AMBN: variants seen among roughly 807,000 people sequenced by gnomAD.
AMBN encodes the protein enamel matrix protein.
In AMBN, 54 loss-of-function variants were observed where a neutral mutation model predicts 48.0. That is an observed-to-expected ratio of 1.12 (90% confidence interval 0.90 to 1.41). The LOEUF is 1.41. AMBN is among the 40% of genes most tolerant of loss of function. The probability of loss-of-function intolerance (pLI) is 0.00; values close to 1 mark genes in which losing one functional copy is unlikely to be tolerated. For synonymous variants in AMBN, 186 were observed against 190.0 expected, an observed-to-expected ratio of 0.98 and a Z score of 0.17; for missense variants, 571 against 547.3, an observed-to-expected ratio of 1.04 and a Z score of -0.43.
intron 11 of AMBN, among the ~76,000 whole-genome samples, 184 bp downstream of exon 11, chr4:70,603,644 A>ACACACG (rs973762255): frequency 3.3e-5 from 5 of 151,956 alleles, no homozygotes; most frequent in Admixed American, 6.6e-5. Context: ...ACACACACAC[A>ACACACG]CACACGCACA....
intron 1 of AMBN, 64 bp from the exon 2 acceptor site, chr4:70,593,263 T>A (rs1400785183): frequency 1.5e-6 from 2 of 1,360,804 alleles, no homozygotes; most frequent in East Asian, 4.7e-5. Flanking sequence ...TTTCAAAAAT[T>A]GTCTTTTAAC....
rs538289084 is a variant in AMBN, at chr4:70,593,175, T to C, written c.16-152T>C. 99 of 548,524 alleles carry C rather than the reference T, an allele frequency of 1.8e-4. 2 individuals carry two copies. The East Asian group carries it at 3.0e-3, about 17-fold the overall frequency. 34.0% of individuals were successfully genotyped at this position (548,524 alleles called of 1,614,324 possible). ...AACTACTACATACAAATCGGTTGTT[T>C]AGTAACATTTAGTTTTTGTTTTTGT... On this transcript the variant is annotated intron_variant, in intron 1 of 12. Coordinates refer to ENST00000322937, the MANE Select transcript of AMBN (RefSeq NM_016519.6).
In AMBN at chr4:70,593,396, G is replaced by A; in HGVS notation, c.84+1G>A. 6.2e-7 allele frequency: 1 copy of A among 1,609,348 alleles called. No individual in the cohort carries two copies. Among genetic ancestry groups the A allele is most frequent in the Non-Finnish European group, 8.5e-7 (1 of 1,175,998 alleles). ...CCTGGAAATGAGTTTTGCAGTGCCG[G>A]TAAGTCAGTCTTTAGAGTGTGTCCC... On this transcript the variant is annotated splice_donor_variant, in intron 2 of 12. Transcript: ENST00000322937. LOFTEE classifies it high-confidence loss of function.
intron 2 of AMBN, among the ~76,000 whole-genome samples, chr4:70,596,165 C>G (rs924160418): frequency 2.0e-5 from 3 of 151,678 alleles, no homozygotes; most frequent in African/African-American, 7.3e-5. Context: ...TGGTGCACAC[C>G]TGTAATCCCA....
Position 70,598,355 on chromosome 4 carries a change from G to C in AMBN, c.136-1G>C. ...AGTAACCCACTTTTTTTTCTTGATA[G>C]ACAATGAGACAGTTGGGAAGTCTGC... On this transcript the variant is annotated splice_acceptor_variant, in intron 3 of 12. Coordinates refer to ENST00000322937, the MANE Select transcript of AMBN (RefSeq NM_016519.6). LOFTEE classifies it high-confidence loss of function. 3 of 1,566,760 alleles carry C rather than the reference G, an allele frequency of 1.9e-6. No individual in the cohort carries two copies. Among genetic ancestry groups the C allele is most frequent in the Non-Finnish European group, 2.6e-6 (3 of 1,156,586 alleles).
At chr4:70,596,309 C>T (rs553176387) in intron 2 of AMBN, among the ~76,000 whole-genome samples, 259 of 149,530 alleles carry the variant, frequency 1.7e-3, no homozygotes, top group Non-Finnish European at 2.9e-3. Flanking sequence ...AAATATCTTA[C>T]ATTTTAAAAA....
chr4:70,599,496 A>G, intron 4 of AMBN, 40 bp from the exon 5 acceptor site: 1 of 1,389,324 alleles, frequency 7.2e-7, no homozygotes, highest in Non-Finnish European at 1.0e-6. Context: ...TATATTTAAC[A>G]TTTAAATATA....
Position 70,603,422 on chromosome 4 carries a change from C to G in AMBN, c.715C>G (p.Pro239Ala). 3 of 1,613,242 alleles carry G rather than the reference C, an allele frequency of 1.9e-6. No individual in the cohort carries two copies. Among genetic ancestry groups the G allele is most frequent in the Non-Finnish European group, 2.5e-6 (3 of 1,179,850 alleles). Residue 239 changes from proline to alanine, a missense_variant, in exon 11 of 13, where the codon CCA becomes GCA. Coordinates refer to ENST00000322937, the MANE Select transcript of AMBN (RefSeq NM_016519.6). ...ATGATTGTATTTTATTTAGCTTTAT[C>G]CAGGAATGTTGTACGTGCCTTTTGG... ...MPQNKQSPLY[P>A]GMLYVPFGAN...
Position 70,602,801 on chromosome 4 carries a change from C to T in AMBN, c.574C>T (p.Pro192Ser), listed in dbSNP as rs563966501. 1 of 1,587,638 alleles carries T rather than the reference C, an allele frequency of 6.3e-7. No individual in the cohort carries two copies. Among genetic ancestry groups the T allele is most frequent in the Non-Finnish European group, 8.6e-7 (1 of 1,164,964 alleles). Reference sequence around the variant, plus strand: ...TTAATATTTATCTACAATATAGCTCCCAGGAATGGATTTTCCTGATCCACA... The same window carrying T: ...TTAATATTTATCTACAATATAGCTCTCAGGAATGGATTTTCCTGATCCACA... ...DFADPQGPSLPGMDFPDPQGP... is the reference protein window; with the variant it reads ...DFADPQGPSLSGMDFPDPQGP... The change falls in exon 8 of 13, where the codon CCA becomes TCA. Residue 192 changes from proline (P) to serine (S), a missense_variant. Coordinates refer to ENST00000322937, the MANE Select transcript of AMBN (RefSeq NM_016519.6).
In AMBN at chr4:70,606,238, C is replaced by G; in HGVS notation, c.852C>G (p.Gly284=). The change falls in exon 13 of 13, where the codon GGC becomes GGG. Residue 284 remains glycine (G), a synonymous_variant. Coordinates refer to ENST00000322937, the MANE Select transcript of AMBN (RefSeq NM_016519.6). Reference sequence around the variant, plus strand: ...GAGCCATGTTTCCAGGATTTGGAGGCATGAGGCCCGGCTTTGAGGGAATGC... The same window carrying G: ...GAGCCATGTTTCCAGGATTTGGAGGGATGAGGCCCGGCTTTGAGGGAATGC... ...AYGAMFPGFG[G]MRPGFEGMPH... 6.2e-7 allele frequency: 1 copy of G among 1,614,116 alleles called. No individual in the cohort carries two copies. The highest frequency in any genetic ancestry group is 8.5e-7 in the Non-Finnish European group (1 of 1,179,998).
rs533043393 is a variant in AMBN, at chr4:70,602,828, G to A, written c.601G>A (p.Gly201Ser). The A allele has an allele frequency of 3.0e-4, 471 of 1,590,874 alleles. No homozygotes were observed. The highest frequency in any genetic ancestry group is 3.5e-4 in the Non-Finnish European group (408 of 1,167,648). The change falls in exon 8 of 13, where the codon GGT (glycine) becomes AGT (serine). Residue 201 changes from glycine (G) to serine (S), a missense_variant. Gly to Ser is a moderately conservative substitution (Grantham distance 56, BLOSUM62 0). Coordinates refer to ENST00000322937, the MANE Select transcript of AMBN (RefSeq NM_016519.6). ...AGGAATGGATTTTCCTGATCCACAA[G>A]GTCCATCAGTAAGTACAGATCTCAG... The part of the protein sequence containing the change: ...LPGMDFPDPQ[G>S]PSLPGLDFAD...
rs1017532875 is a variant in AMBN, at chr4:70,601,731, T to C, written c.531+77T>C. 8.0e-5 allele frequency: 106 copies of C among 1,318,490 alleles called. 1 individual carries two copies. The Middle Eastern group carries it at 3.5e-3, about 44-fold the overall frequency. The allele number at this position is 1,318,490 out of a possible 1,614,324, so 81.7% of individuals were successfully genotyped here. On this transcript the variant is annotated intron_variant, in intron 6 of 12. Transcript: ENST00000322937. ...AGAAAACGAATTTGCAGGGCACTTT[T>C]AAATAATCGTAGCCTTCAGGCATAA... is the stretch of plus-strand genomic sequence containing the variant.
chr4:70,595,064 C>T (rs1737358441), intron 2 of AMBN, among the ~76,000 whole-genome samples: 1 of 152,092 alleles, frequency 6.6e-6, no homozygotes, highest in African/African-American at 2.4e-5. Flanking sequence ...CACGATTCCC[C>T]CAAATTCTCA....
intron 2 of AMBN, 55 bp downstream of exon 2, chr4:70,593,450 A>G (rs1004768890): frequency 1.1e-5 from 15 of 1,424,488 alleles, no homozygotes; most frequent in South Asian, 3.5e-5. Flanking sequence ...TCGAACTCCA[A>G]ACAACACTGA....
chr4:70,595,210 T>TA (rs1737361436), intron 2 of AMBN, among the ~76,000 whole-genome samples: 2 of 150,066 alleles, frequency 1.3e-5, no homozygotes, highest in Admixed American at 6.6e-5. Flanking sequence ...TTTTTTTTTT[T>TA]ACAGTCTGGC....
rs776565676 is a variant in AMBN, at chr4:70,602,994, A to T, written c.632A>T (p.Asp211Val). 6.2e-7 allele frequency: 1 copy of T among 1,606,394 alleles called. No individual in the cohort carries two copies. Among genetic ancestry groups the T allele is most frequent in the South Asian group, 1.1e-5 (1 of 88,454 alleles). ...GPSLPGLDFA[D>V]PQGSTIFQIA... ...TAGCTCCCAGGATTGGATTTTGCTG[A>T]TCCACAAGGTTCAACAGTAAGTACA... The change falls in exon 9 of 13, where the codon GAT (aspartate) becomes GTT (valine). Residue 211 changes from aspartate (D) to valine (V), a missense_variant. Asp to Val is a radical substitution (Grantham distance 152). Transcript: ENST00000322937.
chr4:70,601,334 C>T (rs1178359233), intron 5 of AMBN, 84 bp from the exon 6 acceptor site: 2 of 1,411,336 alleles, frequency 1.4e-6, no homozygotes, highest in Middle Eastern at 3.6e-4. Context: ...TAGAAAGCGC[C>T]CCAAGCCCCT....
chr4:70,606,892 C>T lies in AMBN; in HGVS notation c.*162C>T. 1.4e-6 allele frequency: 1 copy of T among 730,804 alleles called. No individual in the cohort carries two copies. Among genetic ancestry groups the T allele is most frequent in the Non-Finnish European group, 2.2e-6 (1 of 463,548 alleles). 45.3% of individuals were successfully genotyped at this position (730,804 alleles called of 1,614,324 possible). On this transcript the variant is annotated 3_prime_UTR_variant, in exon 13 of 13. Coordinates refer to ENST00000322937, the MANE Select transcript of AMBN (RefSeq NM_016519.6). ...AAGTGGCTAGAAATAGTGTAGGTCC[C>T]CTTCTTGCTTTCAATATCTTGTTGA...
At chr4:70,593,295 T>C (rs1737315352) in intron 1 of AMBN, 32 bp from the exon 2 acceptor site, 3 of 1,539,236 alleles carry the variant, frequency 1.9e-6, no homozygotes, top group Non-Finnish European at 2.7e-6. Flanking sequence ...AAAATTCATC[T>C]GATTTAATTC....
Sources: gnomAD v4.1 joint callset for allele counts (sites outside exome capture counted in the v4.1 genomes callset) on GRCh38, gnomAD v4.1.1 for gene constraint, MANE v1.5 for transcripts, NCBI Gene and HGNC (gene_info 2026-07-23, HGNC 2026-07-21) for gene names.